The following ZNF804B variants were observed in gnomAD, a reference collection of about 807,000 sequenced individuals.
The protein encoded by ZNF804B is zinc finger 804B.
In ZNF804B, 80 loss-of-function variants were observed where a neutral mutation model predicts 101.4. The observed-to-expected ratio is 0.79, with a 90% CI of 0.66 to 0.95. ZNF804B has a LOEUF of 0.95. Among genes scored for constraint, ZNF804B ranks in the 40% least tolerant of loss-of-function variants. The probability of loss-of-function intolerance (pLI) is 0.00; values close to 1 mark genes in which losing one functional copy is unlikely to be tolerated. For synonymous variants in ZNF804B, 622 were observed against 558.8 expected (o/e 1.11, Z -1.59); for missense variants, 1,673 against 1,561.9 (o/e 1.07, Z -1.20).
intron 1 of ZNF804B, among the ~76,000 whole-genome samples, chr7:88,861,275 TA>T (rs777956603): frequency 2.3e-4 from 35 of 152,286 alleles, no homozygotes; most frequent in Admixed American, 7.9e-4. Context: ...TAGGCATTAT[TA>T]AATGTTTTCA....
At chr7:88,832,134 A>C (rs1791143014) in intron 1 of ZNF804B, among the ~76,000 whole-genome samples, 1 of 151,494 alleles carries the variant, frequency 6.6e-6, no homozygotes, top group South Asian at 2.1e-4. Flanking sequence ...TGTAGAAGCC[A>C]ATGGTGATGC....
chr7:88,764,817 C>A (rs2115614780), intron 1 of ZNF804B, among the ~76,000 whole-genome samples: 1 of 152,282 alleles, frequency 6.6e-6, no homozygotes, highest in African/African-American at 2.4e-5. Context: ...ACATGCCCTC[C>A]TGTAGAGAAG....
At chr7:89,205,975 CG>C (rs1788708974) in intron 1 of ZNF804B, among the ~76,000 whole-genome samples, 1 of 152,312 alleles carries the variant, frequency 6.6e-6, no homozygotes, top group East Asian at 1.9e-4. Flanking sequence ...GAAATCTAGG[CG>C]GAGGTTCCCA....
chr7:88,928,496 G>T (rs192722274), intron 1 of ZNF804B, among the ~76,000 whole-genome samples: 29 of 152,192 alleles, frequency 1.9e-4, no homozygotes, highest in Non-Finnish European at 3.5e-4. Flanking sequence ...AATACCCTGG[G>T]GTGAGAAAAG....
chr7:89,151,903 G>T (rs573428600), intron 1 of ZNF804B, among the ~76,000 whole-genome samples: 1 of 152,056 alleles, frequency 6.6e-6, no homozygotes, highest in Non-Finnish European at 1.5e-5. Context: ...ACCTAAGTGG[G>T]TTTGTTTATT....
chr7:88,970,535 G>T (rs1370978458), intron 1 of ZNF804B, among the ~76,000 whole-genome samples: 1 of 151,364 alleles, frequency 6.6e-6, no homozygotes, highest in South Asian at 2.1e-4. Flanking sequence ...AATCAAAGCA[G>T]ATTTTACTGA....
intron 1 of ZNF804B, among the ~76,000 whole-genome samples, chr7:88,789,882 C>T (rs1055538603): frequency 1.3e-5 from 2 of 152,190 alleles, no homozygotes; most frequent in Middle Eastern, 3.4e-3. Flanking sequence ...AATAATGCTC[C>T]ATGAAGGGAT....
chr7:89,280,268 G>C (rs546485207), intron 2 of ZNF804B, among the ~76,000 whole-genome samples: 2 of 151,782 alleles, frequency 1.3e-5, no homozygotes, highest in Admixed American at 1.3e-4. Context: ...AGTGTGTAGA[G>C]AGAAATTTAT....
intron 2 of ZNF804B, among the ~76,000 whole-genome samples, chr7:89,258,357 C>G (rs1789665672): frequency 2.0e-5 from 3 of 152,084 alleles, no homozygotes; most frequent in African/African-American, 7.2e-5. Flanking sequence ...GCTCAGAATC[C>G]TGCTCTGCTA....
intron 1 of ZNF804B, among the ~76,000 whole-genome samples, chr7:88,970,857 T>C (rs1236671967): frequency 2.4e-4 from 36 of 149,130 alleles, no homozygotes; most frequent in Non-Finnish European, 4.5e-5. Flanking sequence ...TTAGGAGGTA[T>C]ACCTAACGCT....
At chr7:88,949,038 GT>G (rs937561408) in intron 1 of ZNF804B, among the ~76,000 whole-genome samples, 30 of 145,646 alleles carry the variant, frequency 2.1e-4, no homozygotes, top group African/African-American at 4.5e-4. Context: ...GCGTTGGTGT[GT>G]TTTTTTTTTA....
At position 88,921,746 on chromosome 7, in the gene ZNF804B, T is replaced by C. The variant is rs181537053; in HGVS notation, c.108+161662T>C. Among the ~76,000 whole-genome samples the C allele has an allele frequency of 2.6e-5, 4 of 152,174 alleles. No individual in the cohort carries two copies. The East Asian group carries it at 5.8e-4, about 22-fold the overall frequency. On this transcript the variant is annotated intron_variant, in intron 1 of 3. Transcript: ENST00000333190. ...CAGTAATAGGTAGAAAAATAGATCATAGACTAGCTTCCAAAGTCTTTCTTT... is the reference window on the plus strand; with the variant it reads ...CAGTAATAGGTAGAAAAATAGATCACAGACTAGCTTCCAAAGTCTTTCTTT...
At chr7:88,857,379 GAAGAA>G (rs1791577775) in intron 1 of ZNF804B, among the ~76,000 whole-genome samples, 1 of 151,956 alleles carries the variant, frequency 6.6e-6, no homozygotes, top group Non-Finnish European at 1.5e-5. Flanking sequence ...GACTAATAAA[GAAGAA>G]AAGAGAGAAG....
At chr7:89,218,092 T>C in intron 1 of ZNF804B, 63 bp from the exon 2 acceptor site, 1 of 1,503,534 alleles carries the variant, frequency 6.7e-7, no homozygotes, top group Middle Eastern at 1.8e-4. Context: ...CCTTGATTAA[T>C]ACGAGATCTG....
intron 2 of ZNF804B, among the ~76,000 whole-genome samples, chr7:89,221,563 A>G (rs1192510910): frequency 1.3e-5 from 2 of 151,940 alleles, no homozygotes; most frequent in African/African-American, 2.4e-5. Flanking sequence ...AATCTTCCAT[A>G]TCAGGTCTGC....
At chr7:89,025,838 T>A (rs1231630261) in intron 1 of ZNF804B, among the ~76,000 whole-genome samples, 6 of 152,190 alleles carry the variant, frequency 3.9e-5, no homozygotes, top group Admixed American at 2.0e-4. Flanking sequence ...GTGTCCAAAC[T>A]ATTTTTTACT....
At chr7:88,979,865 G>C (rs1435750330) in intron 1 of ZNF804B, among the ~76,000 whole-genome samples, 1 of 150,956 alleles carries the variant, frequency 6.6e-6, no homozygotes, top group Non-Finnish European at 1.5e-5. Flanking sequence ...GCCCTTTTGA[G>C]GGTATTTTAT....
rs145853640 is a variant in ZNF804B, at chr7:89,066,784, C to T, written c.109-151371C>T. 5.6e-3 allele frequency among the ~76,000 whole-genome samples: 854 copies of T among 151,888 alleles called. 9 individuals carry two copies. Among genetic ancestry groups the T allele is most frequent in the African/African-American group, 0.019 (794 of 41,448 alleles). On this transcript the variant is annotated intron_variant, in intron 1 of 3. Transcript: ENST00000333190. ...TTTGTTTTGTTTTGATTTTTTGAGA[C>T]GGAGTTTTGCTCTTGTTGCCCAGGC...
chr7:88,960,420 G>C (rs911356066), intron 1 of ZNF804B, among the ~76,000 whole-genome samples: 3 of 151,310 alleles, frequency 2.0e-5, no homozygotes, highest in African/African-American at 4.8e-5. Context: ...GTGCGGGAGT[G>C]GGGGATGGTG....
Sources: gnomAD v4.1 joint callset for allele counts (sites outside exome capture counted in the v4.1 genomes callset) on GRCh38, gnomAD v4.1.1 for gene constraint, MANE v1.5 for transcripts, NCBI Gene and HGNC (gene_info 2026-07-23, HGNC 2026-07-21) for gene names.